The following SLC27A5 variants were observed in gnomAD, a reference collection of about 807,000 sequenced individuals.
SLC27A5 encodes solute carrier family 27 member 5.
In SLC27A5, 47 loss-of-function variants were observed where a neutral mutation model predicts 63.1. The ratio of observed to expected loss-of-function variants is 0.74; its 90% CI spans 0.59 to 0.95. The LOEUF (loss-of-function observed/expected upper bound fraction) is 0.95, where lower values mean the gene tolerates loss of function less well. Ranked by LOEUF, SLC27A5 falls within the 40% of genes least tolerant of loss-of-function variation. The pLI, the probability that SLC27A5 is intolerant of heterozygous loss-of-function variation, is 0.00. For missense variants in SLC27A5, 940 were observed against 921.0 expected, an observed-to-expected ratio of 1.02 and a Z score of -0.27; for synonymous variants, 391 against 403.8, an observed-to-expected ratio of 0.97 and a Z score of 0.38.
In SLC27A5 at chr19:58,500,390, C is replaced by A; in HGVS notation, c.1417G>T (p.Ala473Ser). Residue 473 changes from alanine (A) to serine (S), a missense_variant, in exon 6 of 10, where the codon GCG becomes TCG. Transcript: ENST00000263093. ...TGATTGTCCCTCACAGGCTCCGCCG[C>A]CTCCATGTCGAACTGCACCAGCTCA... Reference protein sequence around the residue: ...PFELVQFDMEAAEPVRDNQGF... With the variant: ...PFELVQFDMESAEPVRDNQGF... The A allele has an allele frequency of 1.2e-6, 2 of 1,613,820 alleles. No individual in the cohort carries two copies. The highest frequency in any genetic ancestry group is 2.2e-5 in the South Asian group (2 of 91,082).
rs748601279 is a variant in SLC27A5, at chr19:58,511,674, CAAG to C, written c.279_281del (p.Phe93del). On this transcript the variant is annotated inframe_deletion, in exon 1 of 10. Coordinates refer to ENST00000263093, the MANE Select transcript of SLC27A5 (RefSeq NM_012254.3). The stretch of plus-strand genomic sequence containing the variant: ...TCAGGCCCAGGTGGAGGATCTTGGC[CAAG>C]AAGATCACATCAGCCGGCAGCCAGC... 10 of 1,585,924 alleles carry C rather than the reference CAAG, an allele frequency of 6.3e-6. No homozygotes were observed. In the East Asian group the frequency reaches 6.9e-5, roughly 11 times the overall value.
Position 58,511,554 on chromosome 19 carries a change from C to T in SLC27A5, c.402G>A (p.Val134=). The change falls in exon 1 of 10, where the codon GTG becomes GTA. Residue 134 remains valine, a synonymous_variant. Transcript: ENST00000263093. ...CTGAGCCGGCCCCAGGCCCCGTCCA[C>T]ACCAAGAGTGCCCTGCCAGGCTGCG... ...ARAQPGRALL[V]WTGPGAGSVT... is the part of the protein sequence containing the mutation. The T allele has an allele frequency of 6.4e-7, 1 of 1,563,438 alleles. No homozygotes were observed. Among genetic ancestry groups the T allele is most frequent in the Non-Finnish European group, 8.7e-7 (1 of 1,150,928 alleles).
chr19:58,499,864 G>A (rs2053253935), intron 6 of SLC27A5, among the ~76,000 whole-genome samples, 174 bp from the exon 7 acceptor site: 3 of 152,168 alleles, frequency 2.0e-5, no homozygotes, highest in Admixed American at 6.6e-5. Context: ...GAGAGACTGC[G>A]ACAAGCGACA....
rs995363683 is a variant in SLC27A5, at chr19:58,498,803, G to T, written c.1878C>A (p.Pro626=). The change falls in exon 9 of 10, where the codon CCC becomes CCA. Residue 626 remains proline (P), a synonymous_variant. Coordinates refer to ENST00000263093, the MANE Select transcript of SLC27A5 (RefSeq NM_012254.3). The part of the protein sequence containing the change: ...VRAWLPAYAT[P]HFIRIQDAME... ...GGCTCACCTGGATGCGGATGAAATG[G>T]GGGGTAGCGTAGGCAGGGAGCCAAG... The T allele has an allele frequency of 1.2e-6, 2 of 1,613,988 alleles. No homozygotes were observed. The highest frequency in any genetic ancestry group is 1.7e-5 in the Admixed American group (1 of 59,994).
At chr19:58,505,515 A>C (rs2122511038) in intron 3 of SLC27A5, among the ~76,000 whole-genome samples, 1 of 151,736 alleles carries the variant, frequency 6.6e-6, no homozygotes, top group African/African-American at 2.4e-5. Context: ...TTACAGGCGT[A>C]AACCACTGGG....
At chr19:58,499,322 G>T in intron 7 of SLC27A5, 102 bp from the exon 8 acceptor site, 1 of 1,332,030 alleles carries the variant, frequency 7.5e-7, no homozygotes, top group Non-Finnish European at 1.0e-6. Flanking sequence ...GGCCCAGTCA[G>T]CCCCGCCCCC....
chr19:58,499,582 G>C lies in SLC27A5; in HGVS notation c.1577C>G (p.Ser526Trp). ...ERKLVRNVRQ[S>W]GDVYYNTGDV... Reference sequence around the variant, plus strand: ...CCCGGTGTTGTAGTAAACGTCGCCCGATTGCCGCACGTTGCGCACCAGCTT... The same window carrying C: ...CCCGGTGTTGTAGTAAACGTCGCCCCATTGCCGCACGTTGCGCACCAGCTT... Residue 526 changes from serine to tryptophan, a missense_variant, in exon 7 of 10, where the codon TCG (serine) becomes TGG (tryptophan). Coordinates refer to ENST00000263093, the MANE Select transcript of SLC27A5 (RefSeq NM_012254.3). 3.1e-6 allele frequency: 5 copies of C among 1,613,118 alleles called. No individual in the cohort carries two copies. Among genetic ancestry groups the C allele is most frequent in the Non-Finnish European group, 4.2e-6 (5 of 1,179,994 alleles).
rs542640229 is a variant in SLC27A5 at position 58,499,620 on chromosome 19, C to G, written c.1539G>C (p.Glu513Asp). ...QPFVGYRGPR[E>D]LSERKLVRNV... ...TGCGCACCAGCTTCCGTTCCGACAG[C>G]TCTCGGGGGCCGCGGTAGCCCACGA... Residue 513 changes from glutamate (E) to aspartate (D), a missense_variant, in exon 7 of 10, where the codon GAG becomes GAC. Coordinates refer to ENST00000263093, the MANE Select transcript of SLC27A5 (RefSeq NM_012254.3). 3.7e-6 allele frequency: 6 copies of G among 1,612,978 alleles called. No individual in the cohort carries two copies. The highest frequency in any genetic ancestry group is 5.1e-6 in the Non-Finnish European group (6 of 1,180,018).
At chr19:58,499,350 C>G (rs1480767571) in intron 7 of SLC27A5, 130 bp from the exon 8 acceptor site, 6 of 1,335,718 alleles carry the variant, frequency 4.5e-6, no homozygotes, top group Non-Finnish European at 6.2e-6. Context: ...TCGAGAAGCC[C>G]CGCCTTCGCG....
At position 58,511,911 on chromosome 19, in the gene SLC27A5, G is replaced by GAGCAGCAGC. The variant is rs760686310; in HGVS notation, c.36_44dup (p.Leu15_Leu17dup). ...CTGGCTGCCCCAGGCCCCAGAGCAG[G>GAGCAGCAGC]AGCAGCAGCAGCAGCAGCAAGGCCA... On this transcript the variant is annotated inframe_insertion, in exon 1 of 10. Transcript: ENST00000263093. 19 of 1,546,920 alleles carry GAGCAGCAGC rather than the reference G, an allele frequency of 1.2e-5. No individual in the cohort carries two copies. Among genetic ancestry groups the GAGCAGCAGC allele is most frequent in the Non-Finnish European group, 1.6e-5 (18 of 1,146,152 alleles).
intron 3 of SLC27A5, chr19:58,507,285 C>T (rs949432036): frequency 6.6e-6 from 1 of 152,430 alleles, no homozygotes; most frequent in African/African-American, 2.4e-5. Context: ...CACAAGTGCT[C>T]ACCACTGTTG....
chr19:58,500,473 G>A, intron 5 of SLC27A5, 39 bp downstream of exon 5: 1 of 1,613,432 alleles, frequency 6.2e-7, no homozygotes, highest in South Asian at 1.1e-5. Flanking sequence ...TGTGGGCTCA[G>A]CCTCAGGGCA....
Position 58,509,911 on chromosome 19 carries a change from G to A in SLC27A5, c.993C>T (p.Tyr331=). ...LSGATADDVV[Y]TVLPLYHVMG... ...TCACGTGGTACAGAGGCAGGACCGT[G>A]TAAACCACATCATCAGCTGTGGCCC... Residue 331 remains tyrosine, a synonymous_variant, in exon 3 of 10, where the codon TAC becomes TAT. Coordinates refer to ENST00000263093, the MANE Select transcript of SLC27A5 (RefSeq NM_012254.3). 1 of 1,614,128 alleles carries A rather than the reference G, an allele frequency of 6.2e-7. No individual in the cohort carries two copies. Among genetic ancestry groups the A allele is most frequent in the Non-Finnish European group, 8.5e-7 (1 of 1,180,022 alleles).
At position 58,511,456 on chromosome 19, in the gene SLC27A5, G is replaced by A. The variant is rs149541658; in HGVS notation, c.500C>T (p.Ala167Val). The A allele has an allele frequency of 5.7e-4, 905 of 1,592,588 alleles. 5 individuals carry two copies. The African/African-American group carries it at 0.011, about 19-fold the overall frequency. The change falls in exon 1 of 10, where the codon GCG becomes GTG. Residue 167 changes from alanine to valine, a missense_variant. Ala to Val is a moderately conservative substitution (Grantham distance 64). Coordinates refer to ENST00000263093, the MANE Select transcript of SLC27A5 (RefSeq NM_012254.3). ...WALKAELGDP[A>V]SLCAGEPTAL... ...AGTAGGCTCCCCGGCACACAGGCTC[G>A]CAGGGTCACCCAGCTCAGCCTTCAG...
intron 3 of SLC27A5, among the ~76,000 whole-genome samples, chr19:58,503,121 C>T (rs1437433126): frequency 1.3e-5 from 2 of 150,962 alleles, no homozygotes; most frequent in South Asian, 2.1e-4. Flanking sequence ...AGGAGAATGG[C>T]GTGAACCTGG....
chr19:58,501,823 G>A (rs1483900942), intron 3 of SLC27A5, among the ~76,000 whole-genome samples: 2 of 152,108 alleles, frequency 1.3e-5, no homozygotes, highest in African/African-American at 2.4e-5. Context: ...ACAAGCACCC[G>A]CCACCACAGC....
At chr19:58,499,010 C>T in intron 8 of SLC27A5, 95 bp from the exon 9 acceptor site, 1 of 1,588,572 alleles carries the variant, frequency 6.3e-7, no homozygotes, top group Non-Finnish European at 8.6e-7. Flanking sequence ...GCTGTGAGAG[C>T]CAGCAAGTCT....
At chr19:58,509,752 G>T in intron 3 of SLC27A5, 95 bp downstream of exon 3, 4 of 1,192,814 alleles carry the variant, frequency 3.4e-6, no homozygotes, top group Non-Finnish European at 1.2e-6. Flanking sequence ...ACAGGGTGCT[G>T]GGTAACCTAT....
chr19:58,498,528 G>T lies in SLC27A5; in HGVS notation c.2060C>A (p.Thr687Asn). Reference sequence around the variant, plus strand: ...TTGGCCAGGTGATCAGAGCCTCCAGGTTCCCTCACACACAGCCTGGTACAT... The same window carrying T: ...TTGGCCAGGTGATCAGAGCCTCCAGTTTCCCTCACACACAGCCTGGTACAT... ...AEMYQAVCEGTWRL is the reference protein window; with the variant it reads ...AEMYQAVCEGNWRL The change falls in exon 10 of 10, where the codon ACC becomes AAC. Residue 687 changes from threonine to asparagine, a missense_variant. Physicochemically the swap from Thr to Asn is moderately conservative, Grantham distance 65. Coordinates refer to ENST00000263093, the MANE Select transcript of SLC27A5 (RefSeq NM_012254.3). The T allele has an allele frequency of 6.2e-7, 1 of 1,612,074 alleles. No individual in the cohort carries two copies. Among genetic ancestry groups the T allele is most frequent in the Non-Finnish European group, 8.5e-7 (1 of 1,178,664 alleles).
Sources: allele counts gnomAD v4.1 joint callset (sites outside exome capture counted in the v4.1 genomes callset), GRCh38; gene constraint gnomAD v4.1.1; transcripts MANE v1.5; gene names NCBI Gene and HGNC (gene_info 2026-07-23, HGNC 2026-07-21).